The following SGCZ variants were observed in gnomAD, a reference collection of about 807,000 sequenced individuals.
SGCZ encodes the protein sarcoglycan zeta, also known as zeta-sarcoglycan.
Under a neutral mutation model 41.3 loss-of-function variants are expected in SGCZ, and 40 were observed. That is an observed-to-expected ratio of 0.97 (90% CI 0.75 to 1.26). The LOEUF is 1.26. Ranked by LOEUF, SGCZ falls within the 50% of genes most tolerant of loss-of-function variation. The probability of loss-of-function intolerance (pLI) is 0.00; values close to 1 mark genes in which losing one functional copy is unlikely to be tolerated. For synonymous variants in SGCZ, 206 were observed against 137.5 expected (o/e 1.50, Z -3.49); for missense variants, 552 against 369.8 (o/e 1.49, Z -4.04).
intron 2 of SGCZ, among the ~76,000 whole-genome samples, chr8:14,344,599 G>C (rs943632202): frequency 6.6e-6 from 1 of 152,042 alleles, no homozygotes; most frequent in African/African-American, 2.4e-5. Context: ...AAAGGGAAAA[G>C]GGGGGAACGA....
chr8:14,695,347 G>A (rs1416762160), intron 1 of SGCZ, among the ~76,000 whole-genome samples: 1 of 152,038 alleles, frequency 6.6e-6, no homozygotes, highest in African/African-American at 2.4e-5. Flanking sequence ...TATATGTATT[G>A]CAACTAATTA....
chr8:15,102,723 A>T (rs541957537), intron 1 of SGCZ, among the ~76,000 whole-genome samples: 3 of 152,332 alleles, frequency 2.0e-5, no homozygotes, highest in South Asian at 2.1e-4. Flanking sequence ...AAATGTTTAT[A>T]TTGGTAAAAG....
chr8:14,796,071 T>A (rs1585267284), intron 1 of SGCZ, among the ~76,000 whole-genome samples: 1 of 152,212 alleles, frequency 6.6e-6, no homozygotes, highest in Non-Finnish European at 1.5e-5. Flanking sequence ...ATCCAGTCTA[T>A]CACTGATGGG....
chr8:14,553,443 C>A (rs1424035437), intron 2 of SGCZ, among the ~76,000 whole-genome samples: 1 of 152,182 alleles, frequency 6.6e-6, no homozygotes, highest in East Asian at 1.9e-4. Context: ...AAAATATTGA[C>A]TCCTGGCCAA....
At chr8:14,844,142 A>T (rs1160025151) in intron 1 of SGCZ, among the ~76,000 whole-genome samples, 1 of 152,034 alleles carries the variant, frequency 6.6e-6, no homozygotes, top group Non-Finnish European at 1.5e-5. Flanking sequence ...ACAAACACTC[A>T]AGTTTCTCAT....
At chr8:15,228,369 G>A (rs762704048) in intron 1 of SGCZ, among the ~76,000 whole-genome samples, 4 of 152,214 alleles carry the variant, frequency 2.6e-5, no homozygotes, top group East Asian at 1.9e-4. Flanking sequence ...ATTAAGACAC[G>A]ACACTGTGCA....
At chr8:14,371,267 C>T (rs1803899594) in intron 2 of SGCZ, among the ~76,000 whole-genome samples, 1 of 151,772 alleles carries the variant, frequency 6.6e-6, no homozygotes, top group Non-Finnish European at 1.5e-5. Flanking sequence ...GACTCAGTCT[C>T]CTGAATAAGA....
chr8:14,663,922 G>C (rs1473781539), intron 1 of SGCZ, among the ~76,000 whole-genome samples: 2 of 152,132 alleles, frequency 1.3e-5, no homozygotes, highest in Non-Finnish European at 2.9e-5. Flanking sequence ...GGGAAGGATG[G>C]AACAAGTTAG....
chr8:14,189,477 T>G (rs549821986), intron 4 of SGCZ, among the ~76,000 whole-genome samples: 2 of 152,322 alleles, frequency 1.3e-5, no homozygotes, highest in Admixed American at 6.5e-5. Context: ...TTTTGCCATT[T>G]CTTAAACACA....
At chr8:14,738,278 C>G (rs916050710) in intron 1 of SGCZ, among the ~76,000 whole-genome samples, 3 of 151,964 alleles carry the variant, frequency 2.0e-5, no homozygotes, top group African/African-American at 7.3e-5. Flanking sequence ...TAGAATTCTC[C>G]CCTCTTGTAC....
chr8:14,931,638 T>C (rs903176260), intron 1 of SGCZ, among the ~76,000 whole-genome samples: 3 of 152,052 alleles, frequency 2.0e-5, no homozygotes, highest in Non-Finnish European at 4.4e-5. Context: ...TCAGATATTA[T>C]ACTGAAAAGA....
chr8:14,499,276 T>C (rs2117047897), intron 2 of SGCZ, among the ~76,000 whole-genome samples: 1 of 152,174 alleles, frequency 6.6e-6, no homozygotes, highest in Admixed American at 6.5e-5. Flanking sequence ...TTCAAAACTA[T>C]TACATTTTCT....
chr8:14,263,771 A>G (rs963017218), intron 3 of SGCZ, among the ~76,000 whole-genome samples: 3 of 152,124 alleles, frequency 2.0e-5, no homozygotes, highest in Non-Finnish European at 4.4e-5. Flanking sequence ...ACAAAAAAAG[A>G]TGCAATGAAG....
chr8:14,217,401 T>C (rs1030455632), intron 4 of SGCZ, among the ~76,000 whole-genome samples: 1 of 151,866 alleles, frequency 6.6e-6, no homozygotes, highest in Non-Finnish European at 1.5e-5. Context: ...AAACGCCTAT[T>C]GTCAATCTCC....
At chr8:14,827,483 C>T (rs954008455) in intron 1 of SGCZ, among the ~76,000 whole-genome samples, 4 of 152,006 alleles carry the variant, frequency 2.6e-5, no homozygotes, top group Non-Finnish European at 4.4e-5. Flanking sequence ...ATGATGCACC[C>T]GCCTTGGCCT....
chr8:14,287,723 G>T (rs1267498456), intron 3 of SGCZ, among the ~76,000 whole-genome samples: 1 of 151,862 alleles, frequency 6.6e-6, no homozygotes, highest in Non-Finnish European at 1.5e-5. Context: ...CATTATCCCC[G>T]ATTGGATTCA....
At chr8:14,703,994 C>T (rs546203787) in intron 1 of SGCZ, among the ~76,000 whole-genome samples, 1 of 151,960 alleles carries the variant, frequency 6.6e-6, no homozygotes, top group Admixed American at 6.6e-5. Flanking sequence ...AATTGTGATT[C>T]TTTCTCTACT....
Position 14,821,801 on chromosome 8 carries a change from T to C in SGCZ, c.40-266875A>G, listed in dbSNP as rs369918224. 4.1e-3 allele frequency among the ~76,000 whole-genome samples: 627 copies of C among 152,088 alleles called. 5 individuals are homozygous for C. Among genetic ancestry groups the C allele is most frequent in the African/African-American group, 0.014 (595 of 41,502 alleles). ...AAAAAAATTATCAACAAATTAGGTATAAATGGCAAATAACACAATAAAGGC... is the reference window on the plus strand; with the variant it reads ...AAAAAAATTATCAACAAATTAGGTACAAATGGCAAATAACACAATAAAGGC... On this transcript the variant is annotated intron_variant, in intron 1 of 7. Coordinates refer to ENST00000382080, the MANE Select transcript of SGCZ (RefSeq NM_139167.4).
intron 1 of SGCZ, among the ~76,000 whole-genome samples, chr8:15,167,411 T>C (rs2117054716): frequency 6.6e-6 from 1 of 151,690 alleles, no homozygotes; most frequent in Middle Eastern, 3.4e-3. Context: ...TGTCACTTTC[T>C]AACAGGTCTA....
Sources: allele counts gnomAD v4.1 joint callset (sites outside exome capture counted in the v4.1 genomes callset), GRCh38; gene constraint gnomAD v4.1.1; transcripts MANE v1.5; gene names NCBI Gene and HGNC (gene_info 2026-07-23, HGNC 2026-07-21).